CDKN2B: variants seen among roughly 807,000 people sequenced by gnomAD.
CDKN2B encodes cyclin-dependent kinase 4 inhibitor B.
CDKN2B carries 8 observed loss-of-function variants against 7.7 expected under a neutral mutation model. The observed-to-expected ratio is 1.04, with a 90% confidence interval of 0.61 to 1.87. The LOEUF is 1.87. Among genes scored for constraint, CDKN2B ranks in the 40% most tolerant of loss-of-function variants. CDKN2B has a pLI of 0.00. For synonymous variants in CDKN2B, 93 were observed against 95.8 expected, an observed-to-expected ratio of 0.97 and a Z score of 0.17; for missense variants, 244 against 213.1, an observed-to-expected ratio of 1.15 and a Z score of -0.90.
In CDKN2B at chr9:22,009,092, C is replaced by A. The variant is rs1376962146; in HGVS notation, c.-139G>T. The A allele has an allele frequency of 7.6e-7, 1 of 1,322,302 alleles. No individual in the cohort carries two copies. Among genetic ancestry groups the A allele is most frequent in the Non-Finnish European group, 1.1e-6 (1 of 938,886 alleles). The allele number at this position is 1,322,302 out of a possible 1,614,324, so 81.9% of individuals were successfully genotyped here. ...ACCTGGGCTCAGCTTCATTACCCTC[C>A]CGTCGTCCTTCTGCGGCTTGGGGCC... On this transcript the variant is annotated 5_prime_UTR_variant, in exon 1 of 2. Transcript: ENST00000276925.
Position 22,006,053 on chromosome 9 carries a change from C to T in CDKN2B, c.351G>A (p.Val117=), listed in dbSNP as rs1385410067. Residue 117 remains valine, a synonymous_variant, in exon 2 of 2, where the codon GTG becomes GTA. Transcript: ENST00000276925. The surrounding 1 kb of genome is among the most constrained non-coding windows in gnomAD (Gnocchi z 6.4). The stretch of plus-strand genomic sequence containing the variant: ...GGTGGCCCCGCTCCTCGGCCAAGTC[C>T]ACGGGCAGACGACCCCAGGCATCGC... ...DVRDAWGRLP[V]DLAEERGHRD... 2.5e-6 allele frequency: 4 copies of T among 1,605,524 alleles called. No individual in the cohort carries two copies. The highest frequency in any genetic ancestry group is 2.5e-6 in the Non-Finnish European group (3 of 1,179,606).
At position 22,009,148 on chromosome 9, in the gene CDKN2B, C is replaced by T. The variant is rs899111447; in HGVS notation, c.-195G>A. 34 of 728,490 alleles carry T rather than the reference C, an allele frequency of 4.7e-5. No individual in the cohort carries two copies. Among genetic ancestry groups the T allele is most frequent in the Non-Finnish European group, 7.1e-5 (31 of 437,280 alleles). The allele number at this position is 728,490 out of a possible 1,614,324, so 45.1% of individuals were successfully genotyped here. ...CAGTGGCCGAGCGGCCGGTCGTTAG[C>T]TCCGGGCTTTTCCTGGCGCTCAAGA... On this transcript the variant is annotated 5_prime_UTR_variant, in exon 1 of 2. Coordinates refer to ENST00000276925, the MANE Select transcript of CDKN2B (RefSeq NM_004936.4).
rs1201922974 is a variant in CDKN2B at position 22,004,848 on chromosome 9, A to T, written c.*1139T>A. 2 of 233,136 alleles carry T rather than the reference A, an allele frequency of 8.6e-6. No individual in the cohort carries two copies. The highest frequency in any genetic ancestry group is 5.6e-5 in the Admixed American group (1 of 17,774). The allele number at this position is 233,136 out of a possible 1,614,324, so 14.4% of individuals were successfully genotyped here. ...TAGTCTGACCTCTGCACCCTGAGAC[A>T]CTCTATAAAGGAAACAATCAGAAAA... On this transcript the variant is annotated 3_prime_UTR_variant, in exon 2 of 2. Transcript: ENST00000276925.
rs749530069 is a variant in CDKN2B at position 22,006,007 on chromosome 9, G to A, written c.397C>T (p.Arg133Cys). 6.2e-7 allele frequency: 1 copy of A among 1,603,144 alleles called. No individual in the cohort carries two copies. Among genetic ancestry groups the A allele is most frequent in the Non-Finnish European group, 8.5e-7 (1 of 1,179,746 alleles). Residue 133 changes from arginine to cysteine, a missense_variant, in exon 2 of 2, where the codon CGC becomes TGC. Transcript: ENST00000276925. The surrounding 1 kb of genome is among the most constrained non-coding windows in gnomAD (Gnocchi z 6.4). ...RGHRDVAGYL[R>C]TATGD ...TGGCGTCAGTCCCCCGTGGCTGTGC[G>A]CAGGTACCCTGCAACGTCGCGGTGG... is the stretch of plus-strand genomic sequence containing the variant.
chr9:22,006,033 C>A lies in CDKN2B; in HGVS notation c.371G>T (p.Gly124Val). 1 of 1,604,086 alleles carries A rather than the reference C, an allele frequency of 6.2e-7. No individual in the cohort carries two copies. Among genetic ancestry groups the A allele is most frequent in the Non-Finnish European group, 8.5e-7 (1 of 1,179,508 alleles). ...CAGGTACCCTGCAACGTCGCGGTGG[C>A]CCCGCTCCTCGGCCAAGTCCACGGG... Reference protein sequence around the residue: ...RLPVDLAEERGHRDVAGYLRT... With the variant: ...RLPVDLAEERVHRDVAGYLRT... Residue 124 changes from glycine (G) to valine (V), a missense_variant, in exon 2 of 2, where the codon GGC (glycine) becomes GTC (valine). Physicochemically the swap from Gly to Val is moderately radical, Grantham distance 109. Coordinates refer to ENST00000276925, the MANE Select transcript of CDKN2B (RefSeq NM_004936.4). The surrounding 1 kb of genome is among the most constrained non-coding windows in gnomAD (Gnocchi z 6.4).
At position 22,005,754 on chromosome 9, in the gene CDKN2B, C is replaced by T; in HGVS notation, c.*233G>A. The stretch of plus-strand genomic sequence containing the variant: ...CACACTCCTAAATATCCCTGGAAAT[C>T]CGCTTCTCTGTGTTTCGCTTCATGG... On this transcript the variant is annotated 3_prime_UTR_variant, in exon 2 of 2. Coordinates refer to ENST00000276925, the MANE Select transcript of CDKN2B (RefSeq NM_004936.4). This position sits in a 1 kb window ranked among gnomAD's most constrained non-coding sequence, Gnocchi z 4.9. 1.6e-6 allele frequency: 1 copy of T among 612,710 alleles called. No individual in the cohort carries two copies. Among genetic ancestry groups the T allele is most frequent in the East Asian group, 2.8e-5 (1 of 36,004 alleles). The allele number at this position is 612,710 out of a possible 1,614,324, so 38.0% of individuals were successfully genotyped here. A position where few individuals can be genotyped will look rare whatever the true frequency, so the allele number is the denominator to read the frequency against.
Position 22,005,640 on chromosome 9 carries a change from GA to G in CDKN2B, c.*346del, listed in dbSNP as rs1169084784. On this transcript the variant is annotated 3_prime_UTR_variant, in exon 2 of 2. Transcript: ENST00000276925. This position sits in a 1 kb window ranked among gnomAD's most constrained non-coding sequence, Gnocchi z 4.9. ...GCTGGAGTGGGAGATTCATCCATCG[GA>G]AGATTCGTAGCCACCAGGTCCAGTC... 1.3e-5 allele frequency: 6 copies of G among 461,310 alleles called. No individual in the cohort carries two copies. The highest frequency in any genetic ancestry group is 2.4e-5 in the Non-Finnish European group (6 of 249,476). 28.6% of individuals were successfully genotyped at this position (461,310 alleles called of 1,614,324 possible).
chr9:22,006,324 A>T lies in CDKN2B; in HGVS notation c.157-77T>A, dbSNP rs1291469198. On this transcript the variant is annotated intron_variant, in intron 1 of 1. Coordinates refer to ENST00000276925, the MANE Select transcript of CDKN2B (RefSeq NM_004936.4). The surrounding 1 kb of genome is among the most constrained non-coding windows in gnomAD (Gnocchi z 6.4). ...ATGCCGGCCGGGGCAAGGCAGGTGG[A>T]GCCATTTAAAGAAACACCTAATTGC... 1 of 1,577,848 alleles carries T rather than the reference A, an allele frequency of 6.3e-7. No individual in the cohort carries two copies. The highest frequency in any genetic ancestry group is 8.6e-7 in the Non-Finnish European group (1 of 1,166,998).
Position 22,004,703 on chromosome 9 carries a change from C to T in CDKN2B, c.*1284G>A, listed in dbSNP as rs1587377805. The stretch of plus-strand genomic sequence containing the variant: ...AGTGATAGTAGGACATCCCACGAGC[C>T]ATCATATATTTTCAAGTTTTTATAC... On this transcript the variant is annotated 3_prime_UTR_variant, in exon 2 of 2. Transcript: ENST00000276925. 5.2e-5 allele frequency: 12 copies of T among 232,820 alleles called. No homozygotes were observed. The East Asian group carries it at 7.3e-4, about 14-fold the overall frequency. 14.4% of individuals were successfully genotyped at this position (232,820 alleles called of 1,614,324 possible). A position where few individuals can be genotyped will look rare whatever the true frequency, so the allele number is the denominator to read the frequency against.
At chr9:22,007,983 T>C (rs543007560) in intron 1 of CDKN2B, among the ~76,000 whole-genome samples, 108 of 152,268 alleles carry the variant, frequency 7.1e-4, no homozygotes, top group Non-Finnish European at 1.2e-3. Flanking sequence ...AGGTGAGTAC[T>C]GAATATGACC....
At position 22,004,160 on chromosome 9, in the gene CDKN2B, A is replaced by C. The variant is rs1821053699; in HGVS notation, c.*1827T>G. The stretch of plus-strand genomic sequence containing the variant: ...TGGTACAGATTATGTGTCAATAAAC[A>C]TATCCTTTCCCCAATAACATATGCT... On this transcript the variant is annotated 3_prime_UTR_variant, in exon 2 of 2. Coordinates refer to ENST00000276925, the MANE Select transcript of CDKN2B (RefSeq NM_004936.4). 4.3e-6 allele frequency: 1 copy of C among 232,364 alleles called. No homozygotes were observed. Among genetic ancestry groups the C allele is most frequent in the Admixed American group, 5.6e-5 (1 of 17,768 alleles). The allele number at this position is 232,364 out of a possible 1,614,324, so 14.4% of individuals were successfully genotyped here. A position where few individuals can be genotyped will look rare whatever the true frequency, so the allele number is the denominator to read the frequency against.
rs1456445814 is a variant in CDKN2B at position 22,006,414 on chromosome 9, G to A, written c.157-167C>T. 5 of 924,468 alleles carry A rather than the reference G, an allele frequency of 5.4e-6. No individual in the cohort carries two copies. Among genetic ancestry groups the A allele is most frequent in the Non-Finnish European group, 8.3e-6 (5 of 605,546 alleles). The allele number at this position is 924,468 out of a possible 1,614,324, so 57.3% of individuals were successfully genotyped here. A position where few individuals can be genotyped will look rare whatever the true frequency, so the allele number is the denominator to read the frequency against. ...GTCTGGTGTTTCTTCATTTGCTGAT[G>A]CAATCCACTTTCCCACCCCACCTTC... On this transcript the variant is annotated intron_variant, in intron 1 of 1. Transcript: ENST00000276925. The surrounding 1 kb of genome is among the most constrained non-coding windows in gnomAD (Gnocchi z 6.4).
Position 22,009,085 on chromosome 9 carries a change from T to G in CDKN2B, c.-132A>C. On this transcript the variant is annotated 5_prime_UTR_variant, in exon 1 of 2. Coordinates refer to ENST00000276925, the MANE Select transcript of CDKN2B (RefSeq NM_004936.4). ...CTAGGAGACCTGGGCTCAGCTTCATTACCCTCCCGTCGTCCTTCTGCGGCT... is the reference window on the plus strand; with the variant it reads ...CTAGGAGACCTGGGCTCAGCTTCATGACCCTCCCGTCGTCCTTCTGCGGCT... 3 of 1,337,530 alleles carry G rather than the reference T, an allele frequency of 2.2e-6. No homozygotes were observed. Among genetic ancestry groups the G allele is most frequent in the Non-Finnish European group, 3.2e-6 (3 of 947,896 alleles). The allele number at this position is 1,337,530 out of a possible 1,614,324, so 82.9% of individuals were successfully genotyped here. A position where few individuals can be genotyped will look rare whatever the true frequency, so the allele number is the denominator to read the frequency against.
rs1323855757 is a variant in CDKN2B at position 22,004,486 on chromosome 9, T to C, written c.*1501A>G. On this transcript the variant is annotated 3_prime_UTR_variant, in exon 2 of 2. Coordinates refer to ENST00000276925, the MANE Select transcript of CDKN2B (RefSeq NM_004936.4). The stretch of plus-strand genomic sequence containing the variant: ...AAACATTGAGAGAAGGGAACCCCTG[T>C]GAACCTTTAACATTTCTCAGGAGTT... The C allele has an allele frequency of 1.3e-5, 3 of 232,552 alleles. No individual in the cohort carries two copies. The Admixed American group carries it at 1.7e-4, about 13-fold the overall frequency. The allele number at this position is 232,552 out of a possible 1,614,324, so 14.4% of individuals were successfully genotyped here. A position where few individuals can be genotyped will look rare whatever the true frequency, so the allele number is the denominator to read the frequency against.
rs1430356808 is a variant in CDKN2B, at chr9:22,006,949, TTTTAAA to T, written c.157-708_157-703del. 6.6e-6 allele frequency among the ~76,000 whole-genome samples: 1 copy of T among 152,168 alleles called. No homozygotes were observed. The highest frequency in any genetic ancestry group is 2.4e-5 in the African/African-American group (1 of 41,446). ...ATGATTTTTCCTTAACAGTTCATCA[TTTTAAA>T]TTTAGACTATAATATTTTTAATGTA... On this transcript the variant is annotated intron_variant, in intron 1 of 1. Transcript: ENST00000276925. This position sits in a 1 kb window ranked among gnomAD's most constrained non-coding sequence, Gnocchi z 6.4.
At chr9:22,008,261 C>T (rs1821292900) in intron 1 of CDKN2B, among the ~76,000 whole-genome samples, 1 of 152,138 alleles carries the variant, frequency 6.6e-6, no homozygotes, top group African/African-American at 2.4e-5. Flanking sequence ...TTATGCATCA[C>T]TCATAAGACA....
Position 22,004,770 on chromosome 9 carries a change from A to C in CDKN2B, c.*1217T>G, listed in dbSNP as rs1235020846. Reference sequence around the variant, plus strand: ...GCAATCTTTTGGGAACTATCCCAAGATAATTTACTGCATAAGTGCATCTAT... The same window carrying C: ...GCAATCTTTTGGGAACTATCCCAAGCTAATTTACTGCATAAGTGCATCTAT... On this transcript the variant is annotated 3_prime_UTR_variant, in exon 2 of 2. Transcript: ENST00000276925. The C allele has an allele frequency of 4.3e-6, 1 of 233,082 alleles. No individual in the cohort carries two copies. Among genetic ancestry groups the C allele is most frequent in the Non-Finnish European group, 8.5e-6 (1 of 117,998 alleles). The allele number at this position is 233,082 out of a possible 1,614,324, so 14.4% of individuals were successfully genotyped here.
chr9:22,005,106 C>T lies in CDKN2B; in HGVS notation c.*881G>A, dbSNP rs1177606388. ...GCAAGTCATAAGGGGATTTCCGCAT[C>T]CTAGCATGTGTGTGTGTGTGTGTGT... is the stretch of plus-strand genomic sequence containing the variant. On this transcript the variant is annotated 3_prime_UTR_variant, in exon 2 of 2. Coordinates refer to ENST00000276925, the MANE Select transcript of CDKN2B (RefSeq NM_004936.4). The surrounding 1 kb of genome is among the most constrained non-coding windows in gnomAD (Gnocchi z 4.9). 1 of 204,814 alleles carries T rather than the reference C, an allele frequency of 4.9e-6. No homozygotes were observed. Among genetic ancestry groups the T allele is most frequent in the Admixed American group, 6.8e-5 (1 of 14,672 alleles). The allele number at this position is 204,814 out of a possible 1,614,324, so 12.7% of individuals were successfully genotyped here.
In CDKN2B at chr9:22,002,969, T is replaced by C. The variant is rs544317719; in HGVS notation, c.*3018A>G. On this transcript the variant is annotated 3_prime_UTR_variant, in exon 2 of 2. Coordinates refer to ENST00000276925, the MANE Select transcript of CDKN2B (RefSeq NM_004936.4). The stretch of plus-strand genomic sequence containing the variant: ...TTGGAATAAATGTCAGGTAGTAGAA[T>C]TTGTACAAACCTTGGTAATGTCTTA... The C allele has an allele frequency of 5.1e-6, 1 of 197,756 alleles. No homozygotes were observed. Among genetic ancestry groups the C allele is most frequent in the East Asian group, 7.9e-5 (1 of 12,662 alleles). 12.3% of individuals were successfully genotyped at this position (197,756 alleles called of 1,614,324 possible). A position where few individuals can be genotyped will look rare whatever the true frequency, so the allele number is the denominator to read the frequency against.
Sources: allele counts gnomAD v4.1 joint callset (sites outside exome capture counted in the v4.1 genomes callset), GRCh38; gene constraint gnomAD v4.1.1; non-coding constraint Gnocchi (gnomAD v3.1); transcripts MANE v1.5; gene names NCBI Gene and HGNC (gene_info 2026-07-23, HGNC 2026-07-21).